CADM2: variants seen among roughly 807,000 people sequenced by gnomAD.
CADM2 encodes immunoglobulin superfamily member 4D.
A neutral mutation model predicts 49.8 loss-of-function variants in CADM2; 12 were observed. The observed-to-expected ratio is 0.24, with a 90% CI of 0.15 to 0.39. The LOEUF is 0.39. Ranked by LOEUF, CADM2 falls within the 10% of genes least tolerant of loss-of-function variation. The probability of loss-of-function intolerance (pLI) is 1.00; values close to 1 mark genes in which losing one functional copy is unlikely to be tolerated. For synonymous variants in CADM2, 214 were observed against 175.4 expected (o/e 1.22, Z -1.74); for missense variants, 378 against 492.3 (o/e 0.77, Z 2.20).
chr3:85,115,754 T>C (rs957635712), intron 1 of CADM2, among the ~76,000 whole-genome samples: 9 of 152,230 alleles, frequency 5.9e-5, no homozygotes, highest in Non-Finnish European at 1.0e-4. Context: ...CTGTGCTTCC[T>C]AATCTCAATC....
At chr3:85,620,792 T>C (rs2063950818) in intron 1 of CADM2, among the ~76,000 whole-genome samples, 1 of 152,134 alleles carries the variant, frequency 6.6e-6, no homozygotes, top group African/African-American at 2.4e-5. Context: ...ACAATTTGTC[T>C]AGTCCTACCT....
At chr3:85,844,743 C>T (rs1382237974) in intron 3 of CADM2, among the ~76,000 whole-genome samples, 3 of 152,044 alleles carry the variant, frequency 2.0e-5, no homozygotes, top group Non-Finnish European at 4.4e-5. Flanking sequence ...CACATGTATA[C>T]CATATGTAAC....
rs567810210 is a variant in CADM2, at chr3:85,543,315, C to T, written c.62-183207C>T. Among the ~76,000 whole-genome samples the T allele has an allele frequency of 5.4e-3, 811 of 151,038 alleles. 6 individuals are homozygous for T. The highest frequency in any genetic ancestry group is 6.5e-3 in the Non-Finnish European group (440 of 67,894). ...CGTCGCCCAGGCTGGTGTGTAATGG[C>T]GCAATCTCTGTTTACCGCAACCTCC... On this transcript the variant is annotated intron_variant, in intron 1 of 9. Transcript: ENST00000383699.
chr3:85,716,581 T>C (rs1025694491), intron 1 of CADM2, among the ~76,000 whole-genome samples: 1 of 151,738 alleles, frequency 6.6e-6, no homozygotes, highest in Non-Finnish European at 1.5e-5. Context: ...TCTTTGCCCT[T>C]GCCTGAATGT....
At chr3:85,818,568 G>A (rs958630772) in intron 3 of CADM2, among the ~76,000 whole-genome samples, 1 of 152,094 alleles carries the variant, frequency 6.6e-6, no homozygotes, top group African/African-American at 2.4e-5. Flanking sequence ...ATAGTGTTTT[G>A]TAACTTCTTT....
At chr3:85,259,297 T>C (rs1006798050) in intron 1 of CADM2, among the ~76,000 whole-genome samples, 3 of 152,184 alleles carry the variant, frequency 2.0e-5, no homozygotes, top group African/African-American at 7.2e-5. Context: ...GTCTGGTAAC[T>C]ACGAACACTA....
At chr3:85,884,939 T>C (rs1044605846) in intron 4 of CADM2, among the ~76,000 whole-genome samples, 2 of 150,724 alleles carry the variant, frequency 1.3e-5, no homozygotes, top group Admixed American at 6.6e-5. Flanking sequence ...TTTCACCATG[T>C]TGGCCAAGAT....
intron 8 of CADM2, among the ~76,000 whole-genome samples, chr3:86,057,899 T>G (rs1195766359): frequency 2.0e-5 from 3 of 152,170 alleles, no homozygotes; most frequent in African/African-American, 7.2e-5. Context: ...CCAGCTCTCG[T>G]TCCCAAAATA....
At chr3:86,030,674 A>G (rs1360211851) in intron 8 of CADM2, among the ~76,000 whole-genome samples, 2 of 151,900 alleles carry the variant, frequency 1.3e-5, no homozygotes, top group Non-Finnish European at 2.9e-5. Flanking sequence ...TGTTGGTAAA[A>G]TTGATTATAT....
chr3:86,033,862 A>G lies in CADM2; in HGVS notation c.971-31743A>G, dbSNP rs1415591469. 1.3e-5 allele frequency among the ~76,000 whole-genome samples: 2 copies of G among 148,548 alleles called. 1 individual carries two copies. The highest frequency in any genetic ancestry group is 3.0e-5 in the Non-Finnish European group (2 of 67,230). On this transcript the variant is annotated intron_variant, in intron 8 of 9. Coordinates refer to ENST00000383699, the MANE Select transcript of CADM2 (RefSeq NM_001167675.2). ...GATGATAATTATATATTTATATATA[A>G]CAAATCCCTTAATTTTTCAAGTGTT...
intron 1 of CADM2, among the ~76,000 whole-genome samples, chr3:85,215,358 TAAAAAAAAAA>T (rs955035192): frequency 3.7e-5 from 3 of 80,920 alleles, no homozygotes; most frequent in African/African-American, 1.6e-4. Context: ...CTCTCTTTTT[TAAAAAAAAAA>T]AAAAAAAAAA....
chr3:85,345,047 C>T (rs1030123213), intron 1 of CADM2, among the ~76,000 whole-genome samples: 1 of 151,678 alleles, frequency 6.6e-6, no homozygotes, highest in South Asian at 2.1e-4. Context: ...TGAAGATAAC[C>T]GGGCTCATGC....
At chr3:85,182,563 G>A (rs1463039171) in intron 1 of CADM2, among the ~76,000 whole-genome samples, 3 of 152,144 alleles carry the variant, frequency 2.0e-5, no homozygotes, top group African/African-American at 7.2e-5. Context: ...AGACTAAGGA[G>A]ATGAGGTAAC....
intron 1 of CADM2, among the ~76,000 whole-genome samples, chr3:85,266,644 A>C (rs1232945718): frequency 6.6e-6 from 1 of 151,860 alleles, no homozygotes; most frequent in East Asian, 1.9e-4. Context: ...TATGTCTTGC[A>C]ATACATAGAT....
intron 1 of CADM2, among the ~76,000 whole-genome samples, chr3:84,990,871 G>A (rs971475803): frequency 8.6e-5 from 13 of 151,966 alleles, no homozygotes; most frequent in African/African-American, 2.4e-4. Context: ...AATATGAAAA[G>A]CATCTAACAT....
chr3:85,755,691 A>G (rs979377725), intron 2 of CADM2, among the ~76,000 whole-genome samples: 3 of 152,134 alleles, frequency 2.0e-5, no homozygotes, highest in South Asian at 2.1e-4. Flanking sequence ...GAGCAGGAGG[A>G]AGTGAGAGAA....
chr3:85,019,558 TCTAA>T (rs1488060706), intron 1 of CADM2, among the ~76,000 whole-genome samples: 5 of 152,092 alleles, frequency 3.3e-5, no homozygotes, highest in South Asian at 4.1e-4. Flanking sequence ...AATTGGCCAC[TCTAA>T]CTAACACTGT....
chr3:86,009,209 A>ATGTG (rs4053703), intron 8 of CADM2, among the ~76,000 whole-genome samples: 34 of 143,404 alleles, frequency 2.4e-4, no homozygotes, highest in African/African-American at 2.1e-4. Context: ...ATATATGTGT[A>ATGTG]TGTGTGTGTA....
intron 1 of CADM2, among the ~76,000 whole-genome samples, chr3:85,704,687 T>C (rs1577123979): frequency 1.3e-5 from 2 of 152,132 alleles, no homozygotes; most frequent in South Asian, 2.1e-4. Flanking sequence ...TGTGGGAACA[T>C]AAATATTTAG....
Sources: allele counts gnomAD v4.1 joint callset (sites outside exome capture counted in the v4.1 genomes callset), GRCh38; gene constraint gnomAD v4.1.1; transcripts MANE v1.5; gene names NCBI Gene and HGNC (gene_info 2026-07-23, HGNC 2026-07-21).